Variants in EYS observed in about 807,000 individuals in gnomAD.
EYS encodes the protein EGF-like photoreceptor maintenance factor.
A neutral mutation model predicts 282.1 loss-of-function variants in EYS; 250 were observed. The ratio of observed to expected loss-of-function variants is 0.89; its 90% CI spans 0.80 to 0.98. EYS has a LOEUF of 0.98. EYS is among the 50% of genes least tolerant of loss of function. EYS has a pLI of 0.00. For synonymous variants in EYS, 1,355 were observed against 1,282.9 expected, an observed-to-expected ratio of 1.06 and a Z score of -1.20; for missense variants, 4,016 against 3,709.0, an observed-to-expected ratio of 1.08 and a Z score of -2.15.
At chr6:65,442,968 A>AT (rs2150394328) in intron 5 of EYS, among the ~76,000 whole-genome samples, 1 of 151,830 alleles carries the variant, frequency 6.6e-6, no homozygotes, top group South Asian at 2.1e-4. Flanking sequence ...ATATGTACAT[A>AT]TATGTATATA....
At chr6:65,373,622 T>G (rs1379234320) in intron 8 of EYS, among the ~76,000 whole-genome samples, 1 of 152,028 alleles carries the variant, frequency 6.6e-6, no homozygotes, top group South Asian at 2.1e-4. Flanking sequence ...ATGATACAGG[T>G]GCTTTTCACA....
chr6:64,104,530 T>C (rs1402360812), intron 31 of EYS, among the ~76,000 whole-genome samples: 1 of 152,170 alleles, frequency 6.6e-6, no homozygotes, highest in Non-Finnish European at 1.5e-5. Context: ...CTTCAGGTTG[T>C]AGGTGCCTTG....
chr6:63,755,248 G>A (rs1769447025), intron 41 of EYS, among the ~76,000 whole-genome samples: 1 of 152,108 alleles, frequency 6.6e-6, no homozygotes, highest in African/African-American at 2.4e-5. Context: ...TGGTGTTTTA[G>A]TTATGAAGTC....
chr6:64,869,616 A>T (rs1562234792), intron 19 of EYS, among the ~76,000 whole-genome samples: 1 of 151,680 alleles, frequency 6.6e-6, no homozygotes, highest in Non-Finnish European at 1.5e-5. Context: ...ATTTCTGTAG[A>T]AGAAACATGA....
intron 31 of EYS, among the ~76,000 whole-genome samples, chr6:64,164,781 AAGAC>A (rs1281552746): frequency 6.6e-6 from 1 of 152,142 alleles, no homozygotes; most frequent in Non-Finnish European, 1.5e-5. Context: ...AATGAATAAA[AAGAC>A]AAATTGTTGG....
At chr6:65,429,054 C>T (rs891978176) in intron 5 of EYS, among the ~76,000 whole-genome samples, 4 of 152,158 alleles carry the variant, frequency 2.6e-5, no homozygotes, top group African/African-American at 9.6e-5. Flanking sequence ...GTGGCACATG[C>T]CTGAAATCCC....
chr6:64,392,105 G>A (rs1773173696), intron 28 of EYS, among the ~76,000 whole-genome samples: 1 of 151,902 alleles, frequency 6.6e-6, no homozygotes, highest in African/African-American at 2.4e-5. Context: ...ACCCAATACA[G>A]GAGCACCAAG....
At chr6:63,806,150 A>G in intron 37 of EYS, 40 bp downstream of exon 37, 1 of 1,498,022 alleles carries the variant, frequency 6.7e-7, no homozygotes, top group Non-Finnish European at 9.0e-7. Flanking sequence ...AGTATTCTTA[A>G]AGGAGCGAGG....
intron 31 of EYS, among the ~76,000 whole-genome samples, chr6:64,106,909 G>A (rs1417452952): frequency 6.8e-6 from 1 of 147,112 alleles, no homozygotes; most frequent in African/African-American, 2.5e-5. Context: ...ATTTTCTATT[G>A]ACATATCCTC....
intron 31 of EYS, among the ~76,000 whole-genome samples, chr6:64,160,212 T>A (rs1043247915): frequency 6.6e-6 from 1 of 152,178 alleles, no homozygotes; most frequent in Non-Finnish European, 1.5e-5. Flanking sequence ...TTTTGGGATA[T>A]GGGAACAATC....
chr6:64,474,289 A>G (rs1776202834), intron 26 of EYS, among the ~76,000 whole-genome samples: 1 of 152,158 alleles, frequency 6.6e-6, no homozygotes, highest in Non-Finnish European at 1.5e-5. Context: ...TAAATCTTCA[A>G]TGATATTTTC....
At chr6:63,844,738 C>A (rs1772054455) in intron 36 of EYS, among the ~76,000 whole-genome samples, 3 of 150,876 alleles carry the variant, frequency 2.0e-5, no homozygotes, top group Admixed American at 2.0e-4. Context: ...TGTTTAAGTT[C>A]CTTATAGATT....
intron 37 of EYS, among the ~76,000 whole-genome samples, chr6:63,796,005 G>T (rs1770635969): frequency 6.6e-6 from 1 of 152,150 alleles, no homozygotes; most frequent in Admixed American, 6.6e-5. Context: ...TTGAAGGATG[G>T]CCTGGACAAG....
At chr6:64,773,704 A>T (rs1293164489) in intron 22 of EYS, among the ~76,000 whole-genome samples, 1 of 151,838 alleles carries the variant, frequency 6.6e-6, no homozygotes, top group Non-Finnish European at 1.5e-5. Context: ...TGTGGTTTTG[A>T]TTTGCATCTC....
intron 2 of EYS, among the ~76,000 whole-genome samples, chr6:65,528,512 G>C (rs969431058): frequency 3.3e-5 from 5 of 152,198 alleles, no homozygotes; most frequent in African/African-American, 1.2e-4. Flanking sequence ...ACCCTCCTGA[G>C]AGGAATGGGT....
chr6:63,753,718 T>C (rs574627490), intron 41 of EYS, among the ~76,000 whole-genome samples: 2 of 152,272 alleles, frequency 1.3e-5, no homozygotes, highest in Non-Finnish European at 2.9e-5. Flanking sequence ...GAGTTACAAT[T>C]TGAGATGAGA....
At chr6:65,510,662 T>G (rs1360600372) in intron 2 of EYS, among the ~76,000 whole-genome samples, 1 of 152,172 alleles carries the variant, frequency 6.6e-6, no homozygotes, top group Non-Finnish European at 1.5e-5. Flanking sequence ...ATTATGACCT[T>G]ATTTTTGGTA....
intron 42 of EYS, among the ~76,000 whole-genome samples, chr6:63,726,123 C>T (rs1475593665): frequency 6.6e-6 from 1 of 152,076 alleles, no homozygotes; most frequent in African/African-American, 2.4e-5. Context: ...GATGACAGAA[C>T]AACTTAAAGA....
intron 26 of EYS, among the ~76,000 whole-genome samples, chr6:64,560,352 C>T (rs909110314): frequency 4.6e-5 from 7 of 151,698 alleles, no homozygotes; most frequent in Admixed American, 4.0e-4. Context: ...TATATATTGG[C>T]CTTATTTTCT....
Sources: gnomAD v4.1 joint callset for allele counts (sites outside exome capture counted in the v4.1 genomes callset) on GRCh38, gnomAD v4.1.1 for gene constraint, MANE v1.5 for transcripts, NCBI Gene and HGNC (gene_info 2026-07-23, HGNC 2026-07-21) for gene names.